Variants in EXOC1 observed in about 807,000 individuals in gnomAD.
The protein encoded by EXOC1 is exocyst complex component 1.
Under a neutral mutation model 107.7 loss-of-function variants are expected in EXOC1, and 67 were observed. That is an observed-to-expected ratio of 0.62 (90% CI 0.51 to 0.76). The LOEUF (loss-of-function observed/expected upper bound fraction) is 0.76, where lower values mean the gene tolerates loss of function less well. Among genes scored for constraint, EXOC1 ranks in the 30% least tolerant of loss-of-function variants. The probability of loss-of-function intolerance (pLI) is 0.00; values close to 1 mark genes in which losing one functional copy is unlikely to be tolerated. For missense variants in EXOC1, 833 were observed against 1,055.7 expected, an observed-to-expected ratio of 0.79 and a Z score of 2.92; for synonymous variants, 348 against 353.5, an observed-to-expected ratio of 0.98 and a Z score of 0.17.
chr4:55,869,772 T>C (rs1185448790), intron 5 of EXOC1, among the ~76,000 whole-genome samples: 1 of 152,250 alleles, frequency 6.6e-6, no homozygotes, highest in Non-Finnish European at 1.5e-5. Context: ...GTGGATAGTA[T>C]GTAAATAACG....
intron 13 of EXOC1, among the ~76,000 whole-genome samples, chr4:55,891,678 G>C (rs745588350): frequency 6.6e-6 from 1 of 152,088 alleles, no homozygotes; most frequent in Non-Finnish European, 1.5e-5. Flanking sequence ...CTAAATTAGT[G>C]GGGGGAGGAA....
At chr4:55,881,207 C>T (rs903262420) in intron 9 of EXOC1, among the ~76,000 whole-genome samples, 4 of 152,072 alleles carry the variant, frequency 2.6e-5, no homozygotes, top group African/African-American at 7.2e-5. Flanking sequence ...TCCCTCCTCC[C>T]GGGACTGCTA....
At chr4:55,882,987 C>T (rs1228391748) in intron 9 of EXOC1, 1 of 151,996 alleles carries the variant, frequency 6.6e-6, no homozygotes, top group Non-Finnish European at 1.5e-5. Flanking sequence ...TGTTGAGGAA[C>T]TCTTCTGGAG....
intron 10 of EXOC1, among the ~76,000 whole-genome samples, chr4:55,885,114 C>CTT (rs893963209): frequency 6.8e-6 from 1 of 147,180 alleles, no homozygotes; most frequent in Non-Finnish European, 1.5e-5. Flanking sequence ...ATATGTTATG[C>CTT]TTTTTTTTTT....
In EXOC1 at chr4:55,883,859, G is replaced by C; in HGVS notation, c.1261G>C (p.Glu421Gln). The C allele has an allele frequency of 6.2e-7, 1 of 1,603,960 alleles. No homozygotes were observed. The highest frequency in any genetic ancestry group is 8.5e-7 in the Non-Finnish European group (1 of 1,176,502). ...MDYLSRLYER[E>Q]IKDFFEVAKI... ...TTATTTATCCCGACTATATGAAAGAGAAATCAAAGATTTCTTTGAAGTTGC... is the reference window on the plus strand; with the variant it reads ...TTATTTATCCCGACTATATGAAAGACAAATCAAAGATTTCTTTGAAGTTGC... The change falls in exon 10 of 19, where the codon GAA (glutamate) becomes CAA (glutamine). Residue 421 changes from glutamate (E) to glutamine (Q), a missense_variant. Around this residue, in one of 2 missense-constraint regions of EXOC1, gnomAD observed 617 missense variants for 701.3 expected, o/e 0.88. Transcript: ENST00000381295.
Position 55,871,134 on chromosome 4 carries a change from G to T in EXOC1, c.865G>T (p.Ala289Ser), listed in dbSNP as rs988128039. 1 of 1,613,838 alleles carries T rather than the reference G, an allele frequency of 6.2e-7. No individual in the cohort carries two copies. Among genetic ancestry groups the T allele is most frequent in the Non-Finnish European group, 8.5e-7 (1 of 1,179,882 alleles). Residue 289 changes from alanine (A) to serine (S), a missense_variant, in exon 7 of 19, where the codon GCC (alanine) becomes TCC (serine). Around this residue, in one of 2 missense-constraint regions of EXOC1, gnomAD observed 617 missense variants for 701.3 expected, o/e 0.88. Transcript: ENST00000381295. ...GGACTTGGCCAAAGGTCATATAAAG[G>T]CCCTTCAGGAAGGAGATCTTGCTTC... ...HMDLAKGHIK[A>S]LQEGDLASSR...
intron 8 of EXOC1, chr4:55,872,701 T>C: frequency 4.4e-6 from 3 of 675,286 alleles, no homozygotes; most frequent in Non-Finnish European, 5.5e-6. Context: ...TACTTTATTT[T>C]CACTTTGCAA....
chr4:55,876,207 A>T, intron 8 of EXOC1: 1 of 985,352 alleles, frequency 1.0e-6, no homozygotes, highest in Non-Finnish European at 1.2e-6. Flanking sequence ...AAAAATACAG[A>T]ATTGTTCCAT....
At chr4:55,869,749 C>T (rs942119790) in intron 5 of EXOC1, among the ~76,000 whole-genome samples, 3 of 152,188 alleles carry the variant, frequency 2.0e-5, no homozygotes, top group Non-Finnish European at 2.9e-5. Flanking sequence ...ATTGCACTTA[C>T]ATTTTATTTA....
At chr4:55,886,807 A>G (rs1400279849) in intron 10 of EXOC1, among the ~76,000 whole-genome samples, 1 of 152,184 alleles carries the variant, frequency 6.6e-6, no homozygotes, top group Non-Finnish European at 1.5e-5. Flanking sequence ...GAATGAATGC[A>G]TCTTACAAAA....
At chr4:55,874,041 A>C (rs1015091320) in intron 8 of EXOC1, among the ~76,000 whole-genome samples, 1 of 152,194 alleles carries the variant, frequency 6.6e-6, no homozygotes, top group South Asian at 2.1e-4. Context: ...ATAAATTGCT[A>C]ATTGTAGAAC....
intron 14 of EXOC1, 118 bp from the exon 15 acceptor site, chr4:55,893,434 A>C: frequency 2.2e-6 from 2 of 926,974 alleles, no homozygotes; most frequent in Non-Finnish European, 3.2e-6. Context: ...AGACATTTTT[A>C]ATTGAAATTT....
Position 55,893,765 on chromosome 4 carries a change from C to CT in EXOC1, c.1941dup (p.Asp648Ter), listed in dbSNP as rs1724854853. The CT allele has an allele frequency of 1.2e-6, 2 of 1,611,830 alleles. No individual in the cohort carries two copies. The highest frequency in any genetic ancestry group is 1.7e-6 in the Non-Finnish European group (2 of 1,179,096). ...ATGTTTTGGTGACTGTCAAAAGGAACTTTGACAAATGCATTGTAAGTTTTC... is the reference window on the plus strand; with the variant it reads ...ATGTTTTGGTGACTGTCAAAAGGAACTTTTGACAAATGCATTGTAAGTTTTC... On this transcript the variant is annotated frameshift_variant, in exon 15 of 19. Coordinates refer to ENST00000381295, the MANE Select transcript of EXOC1 (RefSeq NM_001024924.2). LOFTEE classifies it high-confidence loss of function.
At chr4:55,899,402 C>T (rs1246729966) in intron 16 of EXOC1, among the ~76,000 whole-genome samples, 1 of 151,902 alleles carries the variant, frequency 6.6e-6, no homozygotes, top group Admixed American at 6.6e-5. Context: ...ATGGTCCAGC[C>T]GGTTGTCCTA....
At chr4:55,899,600 GA>G (rs1725659713) in intron 16 of EXOC1, 84 bp from the exon 17 acceptor site, 22 of 1,232,936 alleles carry the variant, frequency 1.8e-5, no homozygotes, top group East Asian at 2.5e-5. Flanking sequence ...ACTTACAAAT[GA>G]AAAAAAATTA....
At chr4:55,870,405 T>A (rs1483835901) in intron 5 of EXOC1, among the ~76,000 whole-genome samples, 1 of 152,230 alleles carries the variant, frequency 6.6e-6, no homozygotes, top group East Asian at 1.9e-4. Context: ...TCTGGAACCT[T>A]ACTTGTGCAG....
intron 2 of EXOC1, 70 bp from the exon 3 acceptor site, chr4:55,860,341 T>C: frequency 6.3e-7 from 1 of 1,587,456 alleles, no homozygotes; most frequent in South Asian, 1.1e-5. Flanking sequence ...AAGCTATACT[T>C]GCAATGAGTG....
intron 9 of EXOC1, among the ~76,000 whole-genome samples, chr4:55,882,092 T>C (rs539067046): frequency 8.9e-6 from 1 of 111,748 alleles, no homozygotes; most frequent in East Asian, 3.1e-4. Context: ...AAACTTACCA[T>C]AGGGTTTTTG....
chr4:55,877,120 TAAAAG>T, intron 8 of EXOC1: 1 of 974,288 alleles, frequency 1.0e-6, no homozygotes, highest in Non-Finnish European at 1.2e-6. Flanking sequence ...CCTTTTAACT[TAAAAG>T]AATTTAAATT....
Sources: gnomAD v4.1 joint callset for allele counts (sites outside exome capture counted in the v4.1 genomes callset) on GRCh38, gnomAD v4.1.1 for gene constraint, gnomAD v4.1.1 regional missense constraint, MANE v1.5 for transcripts, NCBI Gene and HGNC (gene_info 2026-07-23, HGNC 2026-07-21) for gene names.